NRXN3: variants seen among roughly 807,000 people sequenced by gnomAD.
NRXN3 encodes neurexin 3.
NRXN3 carries 32 observed loss-of-function variants against 137.6 expected under a neutral mutation model. The ratio of observed to expected loss-of-function variants is 0.23; its 90% confidence interval spans 0.18 to 0.31. NRXN3 has a LOEUF of 0.31. Among genes scored for constraint, NRXN3 ranks in the 10% least tolerant of loss-of-function variants. The pLI is 1.00. For missense variants in NRXN3, 1,574 were observed against 2,062.5 expected (o/e 0.76, Z 4.59); for synonymous variants, 798 against 784.5 (o/e 1.02, Z -0.29).
At chr14:78,208,452 C>T (rs570176484) in intron 1 of NRXN3, among the ~76,000 whole-genome samples, 78 of 152,274 alleles carry the variant, frequency 5.1e-4, no homozygotes, top group African/African-American at 1.9e-3. Context: ...TTCCTTCCCA[C>T]CTCTCCTCCC....
chr14:79,432,266 A>T (rs1046386345), intron 15 of NRXN3, among the ~76,000 whole-genome samples: 1 of 152,150 alleles, frequency 6.6e-6, no homozygotes, highest in Non-Finnish European at 1.5e-5. Context: ...TTTGGTTAAA[A>T]TAATCTTTCC....
chr14:78,818,454 T>C (rs1424517574), intron 10 of NRXN3, among the ~76,000 whole-genome samples: 2 of 152,296 alleles, frequency 1.3e-5, no homozygotes, highest in East Asian at 3.9e-4. Context: ...TGTTTTGTCT[T>C]GTTGTCACTC....
intron 20 of NRXN3, among the ~76,000 whole-genome samples, chr14:79,840,277 A>G (rs535895445): frequency 1.3e-5 from 2 of 152,308 alleles, no homozygotes; most frequent in South Asian, 4.1e-4. Flanking sequence ...GGGAACTTTT[A>G]AAACATGTAG....
At chr14:78,538,420 T>C (rs11629247) in intron 4 of NRXN3, among the ~76,000 whole-genome samples, 33,574 of 152,146 alleles carry the variant, frequency 0.22, 4,092 homozygotes, top group Middle Eastern at 0.32. Flanking sequence ...AGTTTGTCTG[T>C]TAATGGTGTA....
chr14:78,780,205 T>C (rs1252154815), intron 8 of NRXN3, among the ~76,000 whole-genome samples: 1 of 152,168 alleles, frequency 6.6e-6, no homozygotes, highest in Non-Finnish European at 1.5e-5. Context: ...AAATCATTAG[T>C]TAATAAACAA....
chr14:79,585,683 T>TAAAAAAAAAAAA, intron 16 of NRXN3, among the ~76,000 whole-genome samples: 1 of 75,942 alleles, frequency 1.3e-5, no homozygotes, highest in Non-Finnish European at 2.4e-5. Context: ...GACTCCATCT[T>TAAAAAAAAAAAA]AAAAAAAAAA....
chr14:78,386,182 G>A (rs919251399), intron 4 of NRXN3, among the ~76,000 whole-genome samples: 3 of 152,112 alleles, frequency 2.0e-5, no homozygotes, highest in African/African-American at 7.2e-5. Context: ...TCTATATTCA[G>A]TTTATTATAT....
intron 15 of NRXN3, among the ~76,000 whole-genome samples, chr14:79,347,018 G>A (rs189253128): frequency 1.3e-5 from 2 of 152,212 alleles, no homozygotes; most frequent in Admixed American, 6.5e-5. Flanking sequence ...TTGATTATTT[G>A]GTGAACATTT....
At chr14:78,866,794 C>CTTTT (rs1208179961) in intron 10 of NRXN3, among the ~76,000 whole-genome samples, 3 of 119,120 alleles carry the variant, frequency 2.5e-5, no homozygotes, top group Non-Finnish European at 3.4e-5. Context: ...TTACCTTCAT[C>CTTTT]TTTTTTTTTT....
chr14:78,621,181 C>G (rs1194204666), intron 4 of NRXN3, among the ~76,000 whole-genome samples: 1 of 152,130 alleles, frequency 6.6e-6, no homozygotes, highest in Non-Finnish European at 1.5e-5. Flanking sequence ...TCTGTTGGCT[C>G]TTGCATGGTC....
chr14:79,736,327 G>GT (rs2098941664), intron 19 of NRXN3, among the ~76,000 whole-genome samples: 1 of 152,168 alleles, frequency 6.6e-6, no homozygotes, highest in African/African-American at 2.4e-5. Flanking sequence ...AGGATATATA[G>GT]TTTGAAATAT....
chr14:78,912,175 G>GT (rs2099240704), intron 10 of NRXN3, among the ~76,000 whole-genome samples: 1 of 151,112 alleles, frequency 6.6e-6, no homozygotes. Flanking sequence ...GTGGTGTTTG[G>GT]TTTTTTGTTC....
chr14:79,584,009 A>G (rs2097743325), intron 16 of NRXN3, among the ~76,000 whole-genome samples: 1 of 152,230 alleles, frequency 6.6e-6, no homozygotes, highest in Non-Finnish European at 1.5e-5. Flanking sequence ...GGCGATGTCT[A>G]TGCCAGTTCC....
At chr14:79,415,257 A>G (rs1295811006) in intron 15 of NRXN3, among the ~76,000 whole-genome samples, 1 of 152,126 alleles carries the variant, frequency 6.6e-6, no homozygotes, top group African/African-American at 2.4e-5. Context: ...TTGGTCCTCC[A>G]TATCCATGGA....
At chr14:79,006,330 A>G (rs958545063) in intron 15 of NRXN3, among the ~76,000 whole-genome samples, 10 of 133,150 alleles carry the variant, frequency 7.5e-5, no homozygotes, top group Non-Finnish European at 9.0e-5. Context: ...AAATGGCAAA[A>G]AACAAACAAA....
chr14:79,862,120 A>T lies in NRXN3; in HGVS notation c.*156A>T. The T allele has an allele frequency of 4.7e-6, 2 of 430,012 alleles. No individual in the cohort carries two copies. Among genetic ancestry groups the T allele is most frequent in the Non-Finnish European group, 8.4e-6 (2 of 238,162 alleles). The allele number at this position is 430,012 out of a possible 1,614,324, so 26.6% of individuals were successfully genotyped here. A position where few individuals can be genotyped will look rare whatever the true frequency, so the allele number is the denominator to read the frequency against. Reference sequence around the variant, plus strand: ...GGTGGGGAAAACCGTTTTTTAAAGGACACACACACACACAGCGATGCATCT... The same window carrying T: ...GGTGGGGAAAACCGTTTTTTAAAGGTCACACACACACACAGCGATGCATCT... On this transcript the variant is annotated 3_prime_UTR_variant, in exon 21 of 21. Transcript: ENST00000335750.
intron 16 of NRXN3, among the ~76,000 whole-genome samples, chr14:79,519,333 A>G (rs2153700453): frequency 1.3e-5 from 2 of 152,068 alleles, no homozygotes; most frequent in Admixed American, 1.3e-4. Context: ...TCTAATGTTT[A>G]CCCTTTTTAA....
chr14:78,314,579 T>G (rs1254471004), intron 4 of NRXN3, among the ~76,000 whole-genome samples: 1 of 152,194 alleles, frequency 6.6e-6, no homozygotes, highest in African/African-American at 2.4e-5. Flanking sequence ...TCATCTATGA[T>G]TGGCCAGAAC....
At chr14:78,612,066 C>T (rs2097305119) in intron 4 of NRXN3, among the ~76,000 whole-genome samples, 1 of 152,164 alleles carries the variant, frequency 6.6e-6, no homozygotes, top group African/African-American at 2.4e-5. Flanking sequence ...TGGCCAACAG[C>T]TTTCTGTTTT....
Sources: gnomAD v4.1 joint callset for allele counts (sites outside exome capture counted in the v4.1 genomes callset) on GRCh38, gnomAD v4.1.1 for gene constraint, MANE v1.5 for transcripts, NCBI Gene and HGNC (gene_info 2026-07-23, HGNC 2026-07-21) for gene names.